The following CCDC146 variants were observed in gnomAD, a reference collection of about 807,000 sequenced individuals.
CCDC146 encodes the protein coiled-coil domain containing 146.
CCDC146 carries 92 observed loss-of-function variants against 119.3 expected under a neutral mutation model. That is an observed-to-expected ratio of 0.77 (90% CI 0.65 to 0.92). CCDC146 has a LOEUF of 0.92. CCDC146 is among the 40% of genes least tolerant of loss of function. The pLI is 0.00. For synonymous variants in CCDC146, 372 were observed against 371.8 expected (o/e 1.00, Z -0.01); for missense variants, 1,000 against 1,103.0 (o/e 0.91, Z 1.32).
intron 2 of CCDC146, among the ~76,000 whole-genome samples, chr7:77,176,109 A>T (rs776393211): frequency 6.6e-6 from 1 of 151,144 alleles, no homozygotes; most frequent in Non-Finnish European, 1.5e-5. Context: ...ATACCCATGT[A>T]TGCACATACT....
rs1293138526 is a variant in CCDC146 at position 77,174,075 on chromosome 7, C to T, written c.156+6251C>T. On this transcript the variant is annotated intron_variant, in intron 2 of 18. Transcript: ENST00000285871. ...AACCTGAGGTCTCCCTTGAGACCTTCCCAGTCATTGCTCCCACCCAAGATA... is the reference window on the plus strand; with the variant it reads ...AACCTGAGGTCTCCCTTGAGACCTTTCCAGTCATTGCTCCCACCCAAGATA... Among the ~76,000 whole-genome samples, 3 of 152,046 alleles carry T rather than the reference C, an allele frequency of 2.0e-5. No individual in the cohort carries two copies. In the East Asian group the frequency reaches 5.8e-4, roughly 29 times the overall value.
intron 9 of CCDC146, among the ~76,000 whole-genome samples, chr7:77,270,931 G>T (rs936868686): frequency 7.2e-5 from 11 of 151,954 alleles, no homozygotes; most frequent in African/African-American, 2.7e-4. Flanking sequence ...CAGGAAAACA[G>T]CCACTTTCCC....
chr7:77,237,136 G>A, intron 3 of CCDC146, 107 bp downstream of exon 3: 1 of 876,886 alleles, frequency 1.1e-6, no homozygotes, highest in Non-Finnish European at 1.9e-6. Context: ...CCTGAGGCAA[G>A]GATTTGCGTT....
chr7:77,279,088 G>A lies in CCDC146; in HGVS notation c.1681G>A (p.Val561Ile), dbSNP rs376953131. 574 of 1,609,838 alleles carry A rather than the reference G, an allele frequency of 3.6e-4. 5 individuals are homozygous for A. In the South Asian group the frequency reaches 6.0e-3, roughly 17 times the overall value. Residue 561 changes from valine to isoleucine, a missense_variant, in exon 13 of 19, where the codon GTT becomes ATT. This residue lies in a region of CCDC146 where 985 missense variants were observed against 1,045.3 expected (regional missense o/e 0.94). Coordinates refer to ENST00000285871, the MANE Select transcript of CCDC146 (RefSeq NM_020879.3). ...ACTTGAAATTCTGAGAAATAGTGCC[G>A]TTAGTCAAGAAAGGTAAGTGTTATA... ...NELEILRNSA[V>I]SQERKLQNSM... is the part of the protein sequence containing the mutation.
chr7:77,236,091 A>AAATAAATAAATAAATAAATG (rs1245729417), intron 2 of CCDC146, among the ~76,000 whole-genome samples: 1 of 152,008 alleles, frequency 6.6e-6, no homozygotes, highest in Non-Finnish European at 1.5e-5. Context: ...ATAAATAAAT[A>AAATAAATAAATAAATAAATG]AATGTAAGAA....
At chr7:77,241,014 T>A (rs1792835026) in intron 3 of CCDC146, among the ~76,000 whole-genome samples, 1 of 146,330 alleles carries the variant, frequency 6.8e-6, no homozygotes, top group African/African-American at 2.5e-5. Context: ...TTGGGTTTTT[T>A]TTTTTTGAGA....
intron 11 of CCDC146, among the ~76,000 whole-genome samples, chr7:77,276,651 G>T (rs1190518178): frequency 6.6e-6 from 1 of 152,158 alleles, no homozygotes; most frequent in Non-Finnish European, 1.5e-5. Flanking sequence ...TGGAGTAGTT[G>T]GGTTTCACTA....
intron 4 of CCDC146, among the ~76,000 whole-genome samples, chr7:77,249,213 C>T (rs187675593): frequency 6.6e-6 from 1 of 152,060 alleles, no homozygotes; most frequent in Non-Finnish European, 1.5e-5. Context: ...ATCCACTGGC[C>T]GGGCGCTGTG....
chr7:77,274,540 A>G lies in CCDC146; in HGVS notation c.1328A>G (p.Lys443Arg). 1 of 1,611,548 alleles carries G rather than the reference A, an allele frequency of 6.2e-7. No individual in the cohort carries two copies. Among genetic ancestry groups the G allele is most frequent in the African/African-American group, 1.3e-5 (1 of 74,910 alleles). Reference protein sequence around the residue: ...LVEQQLAEENKLLKEQENMKE... With the variant: ...LVEQQLAEENRLLKEQENMKE... Reference sequence around the variant, plus strand: ...GAACAACAACTTGCAGAAGAAAACAAGCTTTTAAAGGAGCAAGAAAACATG... The same window carrying G: ...GAACAACAACTTGCAGAAGAAAACAGGCTTTTAAAGGAGCAAGAAAACATG... The change falls in exon 11 of 19, where the codon AAG (lysine) becomes AGG (arginine). Residue 443 changes from lysine (K) to arginine (R), a missense_variant. Around this residue, in one of 2 missense-constraint regions of CCDC146, gnomAD observed 985 missense variants for 1,045.3 expected, o/e 0.94. Transcript: ENST00000285871.
At chr7:77,253,462 T>C (rs971237202) in intron 4 of CCDC146, among the ~76,000 whole-genome samples, 2 of 152,232 alleles carry the variant, frequency 1.3e-5, no homozygotes, top group Non-Finnish European at 2.9e-5. Flanking sequence ...TGTGGTGCAA[T>C]AGGTCATTCT....
chr7:77,128,997 A>G (rs1368210623), intron 1 of CCDC146, among the ~76,000 whole-genome samples: 1 of 152,140 alleles, frequency 6.6e-6, no homozygotes, highest in Non-Finnish European at 1.5e-5. Context: ...TATGTTTGAA[A>G]CTACGTAAGT....
chr7:77,195,064 A>G (rs1791839891), intron 2 of CCDC146: 1 of 152,174 alleles, frequency 6.6e-6, no homozygotes, highest in African/African-American at 2.4e-5. Flanking sequence ...TTAGCCTTCT[A>G]TGAAGTGAAT....
At chr7:77,206,130 AT>A (rs1562832814) in intron 2 of CCDC146, among the ~76,000 whole-genome samples, 1 of 152,194 alleles carries the variant, frequency 6.6e-6, no homozygotes, top group East Asian at 1.9e-4. Context: ...TTACAAATAA[AT>A]TTTAGAGAGT....
chr7:77,136,095 TGAAG>T lies in CCDC146; in HGVS notation c.-12+13365_-12+13368del, dbSNP rs541224795. 1.3e-3 allele frequency among the ~76,000 whole-genome samples: 191 copies of T among 152,304 alleles called. 1 individual carries two copies. The highest frequency in any genetic ancestry group is 1.7e-3 in the Admixed American group (26 of 15,306). ...AACAACTAAAACCCTTTCAATTCAATGAAGGTGAAAACAACGTATCAACGTTTGT... is the reference window on the plus strand; with the variant it reads ...AACAACTAAAACCCTTTCAATTCAATGTGAAAACAACGTATCAACGTTTGT... On this transcript the variant is annotated intron_variant, in intron 1 of 18. Transcript: ENST00000285871.
intron 2 of CCDC146, among the ~76,000 whole-genome samples, chr7:77,229,406 G>A (rs1792577106): frequency 6.6e-6 from 1 of 152,150 alleles, no homozygotes; most frequent in Non-Finnish European, 1.5e-5. Flanking sequence ...TCTATGTCCT[G>A]AATGGTATTG....
At chr7:77,195,295 G>A (rs924669913) in intron 2 of CCDC146, 4 of 151,816 alleles carry the variant, frequency 2.6e-5, no homozygotes, top group Admixed American at 6.6e-5. Context: ...AAACATCTAA[G>A]GAGTTATAAA....
At chr7:77,213,987 G>C (rs1387749798) in intron 2 of CCDC146, among the ~76,000 whole-genome samples, 1 of 152,172 alleles carries the variant, frequency 6.6e-6, no homozygotes. Context: ...TCCCAGCAGT[G>C]GGAGTGCTGG....
intron 2 of CCDC146, among the ~76,000 whole-genome samples, chr7:77,228,293 A>C (rs1214057131): frequency 1.3e-5 from 2 of 152,108 alleles, no homozygotes; most frequent in African/African-American, 4.8e-5. Flanking sequence ...GTTTTTCCTG[A>C]TCCTCTCCCT....
chr7:77,130,850 G>C (rs925286312), intron 1 of CCDC146, among the ~76,000 whole-genome samples: 2 of 149,578 alleles, frequency 1.3e-5, no homozygotes, highest in Non-Finnish European at 3.0e-5. Context: ...GCCCGTCTGG[G>C]CCTCCCAAAG....
Sources: gnomAD v4.1 joint callset for allele counts (sites outside exome capture counted in the v4.1 genomes callset) on GRCh38, gnomAD v4.1.1 for gene constraint, gnomAD v4.1.1 regional missense constraint, MANE v1.5 for transcripts, NCBI Gene and HGNC (gene_info 2026-07-23, HGNC 2026-07-21) for gene names.